ALG14: variants seen among roughly 807,000 people sequenced by gnomAD.
ALG14 encodes the protein UDP-N-acetylglucosamine transferase subunit ALG14.
A neutral mutation model predicts 22.8 loss-of-function variants in ALG14; 17 were observed. The observed-to-expected ratio is 0.75, with a 90% CI of 0.51 to 1.12. The LOEUF is 1.12. Ranked by LOEUF, ALG14 falls within the 50% of genes most tolerant of loss-of-function variation. The probability of loss-of-function intolerance (pLI) is 0.00; values close to 1 mark genes in which losing one functional copy is unlikely to be tolerated. For synonymous variants in ALG14, 89 were observed against 103.7 expected (o/e 0.86, Z 0.86); for missense variants, 288 against 271.8 (o/e 1.06, Z -0.42).
intron 3 of ALG14, among the ~76,000 whole-genome samples, chr1:95,006,406 T>C (rs150187217): frequency 5.0e-4 from 76 of 152,262 alleles, no homozygotes; most frequent in East Asian, 3.1e-3. Context: ...AGGATTACAA[T>C]AGGTTTGAGA....
At chr1:95,066,172 CACAA>C (rs1382794340) in intron 1 of ALG14, among the ~76,000 whole-genome samples, 1 of 152,092 alleles carries the variant, frequency 6.6e-6, no homozygotes. Flanking sequence ...GATACAAGAA[CACAA>C]ACAAAGATAA....
chr1:94,984,928 C>A (rs925221998), intron 3 of ALG14, among the ~76,000 whole-genome samples: 5 of 151,962 alleles, frequency 3.3e-5, no homozygotes, highest in African/African-American at 7.3e-5. Context: ...TAATTTGAGA[C>A]AAGTTCTCTT....
intron 2 of ALG14, chr1:95,062,200 A>C (rs921096313): frequency 6.6e-6 from 1 of 152,232 alleles, no homozygotes; most frequent in African/African-American, 2.4e-5. Flanking sequence ...GTAAGTAAAA[A>C]TAAAATAATT....
At chr1:95,004,794 C>G (rs907136261) in intron 3 of ALG14, among the ~76,000 whole-genome samples, 2 of 151,716 alleles carry the variant, frequency 1.3e-5, no homozygotes, top group African/African-American at 4.8e-5. Context: ...CGCGCCTGCC[C>G]CCGCCCCCGC....
chr1:95,044,731 T>C (rs1267267213), intron 2 of ALG14, among the ~76,000 whole-genome samples: 2 of 152,218 alleles, frequency 1.3e-5, no homozygotes, highest in Non-Finnish European at 2.9e-5. Flanking sequence ...CTGGTATTAC[T>C]GTCTTCTCAT....
Position 94,977,296 on chromosome 1 carries a change from A to G in ALG14, c.*5780T>C, listed in dbSNP as rs1672415892. The G allele has an allele frequency of 6.6e-6, 1 of 152,212 alleles. No homozygotes were observed. Among genetic ancestry groups the G allele is most frequent in the Non-Finnish European group, 1.5e-5 (1 of 68,036 alleles). 9.4% of individuals were successfully genotyped at this position (152,212 alleles called of 1,614,324 possible). A position where few individuals can be genotyped will look rare whatever the true frequency, so the allele number is the denominator to read the frequency against. ...GGAGTTTGAGACCAGTCTGGACAAC[A>G]TAGTGAAACCCTGCCTCTTATTTTA... On this transcript the variant is annotated 3_prime_UTR_variant, in exon 4 of 4. Coordinates refer to ENST00000370205, the MANE Select transcript of ALG14 (RefSeq NM_144988.4).
chr1:94,990,130 G>A (rs1672736914), intron 3 of ALG14, among the ~76,000 whole-genome samples: 1 of 152,166 alleles, frequency 6.6e-6, no homozygotes. Context: ...CAACTAGAAA[G>A]AGAAGAATCT....
chr1:95,067,107 G>A (rs1170451954), intron 1 of ALG14: 1 of 152,052 alleles, frequency 6.6e-6, no homozygotes, highest in Non-Finnish European at 1.5e-5. Context: ...TGACAAAATG[G>A]AGCTGGGAAA....
chr1:95,004,093 C>T (rs1042444158), intron 3 of ALG14, among the ~76,000 whole-genome samples: 1 of 152,058 alleles, frequency 6.6e-6, no homozygotes, highest in East Asian at 1.9e-4. Flanking sequence ...CACGATTATC[C>T]TCATTTTACA....
intron 1 of ALG14, among the ~76,000 whole-genome samples, chr1:95,070,767 ACT>A (rs1321526702): frequency 6.6e-6 from 1 of 152,016 alleles, no homozygotes; most frequent in Non-Finnish European, 1.5e-5. Context: ...ACAGGGTCTC[ACT>A]CTGTCAACCA....
chr1:95,044,099 G>C (rs1674467879), intron 2 of ALG14, among the ~76,000 whole-genome samples: 1 of 152,150 alleles, frequency 6.6e-6, no homozygotes, highest in African/African-American at 2.4e-5. Context: ...CAGCTTTGTA[G>C]TCATGTTTGA....
intron 2 of ALG14, among the ~76,000 whole-genome samples, chr1:95,063,147 T>A (rs1254792806): frequency 6.6e-6 from 1 of 152,074 alleles, no homozygotes; most frequent in Non-Finnish European, 1.5e-5. Flanking sequence ...TAATAACAGT[T>A]TTTTTCTTGT....
At position 95,072,929 on chromosome 1, in the gene ALG14, G is replaced by A. The variant is rs751939388; in HGVS notation, c.-31C>T. ...GAAACGGCGCATGCGTCCAACTTCC[G>A]GGGACCAGCCGCTGTCAAAGTTCAC... On this transcript the variant is annotated 5_prime_UTR_variant, in exon 1 of 4. Transcript: ENST00000370205. 1.9e-6 allele frequency: 3 copies of A among 1,612,200 alleles called. No homozygotes were observed. Among genetic ancestry groups the A allele is most frequent in the Admixed American group, 1.7e-5 (1 of 59,968 alleles).
At chr1:95,043,903 C>T (rs1674462709) in intron 2 of ALG14, among the ~76,000 whole-genome samples, 1 of 151,858 alleles carries the variant, frequency 6.6e-6, no homozygotes, top group South Asian at 2.1e-4. Context: ...AGAGAGTGCA[C>T]AAGTGTGTAG....
At chr1:95,045,099 T>G (rs972284712) in intron 2 of ALG14, among the ~76,000 whole-genome samples, 1 of 152,200 alleles carries the variant, frequency 6.6e-6, no homozygotes, top group African/African-American at 2.4e-5. Context: ...TCTTCATTAT[T>G]TTTCTAACAG....
intron 3 of ALG14, among the ~76,000 whole-genome samples, chr1:94,995,521 T>G (rs1036740367): frequency 6.6e-6 from 1 of 152,184 alleles, no homozygotes; most frequent in African/African-American, 2.4e-5. Context: ...GAGACCAGCC[T>G]GGCCAACATG....
At chr1:95,013,775 G>A (rs910766946) in intron 3 of ALG14, among the ~76,000 whole-genome samples, 6 of 151,978 alleles carry the variant, frequency 3.9e-5, no homozygotes, top group African/African-American at 1.5e-4. Context: ...TAATTTATAG[G>A]CCTAGTGAGA....
At chr1:95,072,273 T>G (rs1675590124) in intron 1 of ALG14, among the ~76,000 whole-genome samples, 1 of 152,202 alleles carries the variant, frequency 6.6e-6, no homozygotes. Context: ...GTCAGTGTGT[T>G]GCTCACACTC....
At chr1:95,021,034 T>C (rs1161686004) in intron 3 of ALG14, among the ~76,000 whole-genome samples, 1 of 152,208 alleles carries the variant, frequency 6.6e-6, no homozygotes, top group Non-Finnish European at 1.5e-5. Context: ...AAAGAGAATA[T>C]TTAACACTTT....
Sources: allele counts gnomAD v4.1 joint callset (sites outside exome capture counted in the v4.1 genomes callset), GRCh38; gene constraint gnomAD v4.1.1; transcripts MANE v1.5; gene names NCBI Gene and HGNC (gene_info 2026-07-23, HGNC 2026-07-21).